The following RXRA variants were observed in gnomAD, a reference collection of about 807,000 sequenced individuals.
RXRA encodes retinoic acid receptor RXR-alpha.
RXRA carries 5 observed loss-of-function variants against 44.5 expected under a neutral mutation model. The ratio of observed to expected loss-of-function variants is 0.11; its 90% CI spans 0.06 to 0.24. RXRA has a LOEUF of 0.24. RXRA is among the 10% of genes least tolerant of loss of function. The pLI, the probability that RXRA is intolerant of heterozygous loss-of-function variation, is 1.00. For missense variants in RXRA, 412 were observed against 646.5 expected (o/e 0.64, Z 3.93); for synonymous variants, 291 against 271.4 (o/e 1.07, Z -0.71).
chr9:134,422,168 T>TCCCCAC (rs1831348748), intron 6 of RXRA: 1 of 1,175,008 alleles, frequency 8.5e-7, no homozygotes, highest in African/African-American at 2.2e-5. Flanking sequence ...TGGGACACAC[T>TCCCCAC]TCCCCCTCCT....
chr9:134,373,156 G>A (rs1486435938), intron 1 of RXRA, among the ~76,000 whole-genome samples: 1 of 152,218 alleles, frequency 6.6e-6, no homozygotes, highest in Non-Finnish European at 1.5e-5. Context: ...ACAGAGCTGG[G>A]GGTGGTCAGG....
chr9:134,369,078 G>C lies in RXRA; in HGVS notation c.29-32554G>C, dbSNP rs1471746429. On this transcript the variant is annotated intron_variant, in intron 1 of 9. Coordinates refer to ENST00000481739, the MANE Select transcript of RXRA (RefSeq NM_002957.6). Reference sequence around the variant, plus strand: ...GGGGGTTATGTGTGGGGGGAGTTGTGTGTGTGGGGTGGTTATGTGTGTGTG... The same window carrying C: ...GGGGGTTATGTGTGGGGGGAGTTGTCTGTGTGGGGTGGTTATGTGTGTGTG... Among the ~76,000 whole-genome samples the C allele has an allele frequency of 1.8e-3, 190 of 106,192 alleles. 4 individuals carry two copies. The highest frequency in any genetic ancestry group is 7.3e-3 in the African/African-American group (174 of 23,808). 69.7% of individuals were successfully genotyped at this position (106,192 alleles called of 152,430 possible).
chr9:134,381,686 CAG>C (rs1407877372), intron 1 of RXRA, among the ~76,000 whole-genome samples: 1 of 152,124 alleles, frequency 6.6e-6, no homozygotes, highest in Non-Finnish European at 1.5e-5. Flanking sequence ...AAGTGAATGA[CAG>C]AGCCCCTCAG....
intron 6 of RXRA, chr9:134,425,706 C>G: frequency 1.0e-6 from 1 of 985,330 alleles, no homozygotes. Context: ...TAATCCTGCC[C>G]ACATCTCTGG....
rs35341799 is a variant in RXRA, at chr9:134,434,118, G to A, written c.1152G>A (p.Ser384=). The part of the protein sequence containing the change: ...VLFNPDSKGL[S]NPAEVEALRE... The stretch of plus-strand genomic sequence containing the variant: ...TCCTTTCAGACTCCAAGGGGCTCTC[G>A]AACCCGGCCGAGGTGGAGGCGCTGA... Residue 384 remains serine (S), a synonymous_variant, in exon 9 of 10, where the codon TCG becomes TCA. Transcript: ENST00000481739. The A allele has an allele frequency of 5.6e-6, 9 of 1,613,626 alleles. No individual in the cohort carries two copies. The highest frequency in any genetic ancestry group is 2.2e-5 in the East Asian group (1 of 44,866).
In RXRA at chr9:134,437,969, G is replaced by GC. The variant is rs1831654692; in HGVS notation, c.*1355_*1356insC. 6.6e-6 allele frequency: 1 copy of GC among 151,992 alleles called. No individual in the cohort carries two copies. Among genetic ancestry groups the GC allele is most frequent in the African/African-American group, 2.4e-5 (1 of 41,030 alleles). 9.4% of individuals were successfully genotyped at this position (151,992 alleles called of 1,614,324 possible). A position where few individuals can be genotyped will look rare whatever the true frequency, so the allele number is the denominator to read the frequency against. ...GGGCCTCCCTGGCTCAGCCCAGTGC[G>GC]GCCTGGCGCTCCTCCCGCAGGCTCT... On this transcript the variant is annotated 3_prime_UTR_variant, in exon 10 of 10. Transcript: ENST00000481739.
At chr9:134,357,685 C>T (rs1436769340) in intron 1 of RXRA, among the ~76,000 whole-genome samples, 1 of 152,200 alleles carries the variant, frequency 6.6e-6, no homozygotes, top group Non-Finnish European at 1.5e-5. Flanking sequence ...CCTGCTTAAC[C>T]AGTCAGATAT....
intron 1 of RXRA, among the ~76,000 whole-genome samples, chr9:134,362,927 C>T (rs1830370236): frequency 6.6e-6 from 1 of 152,272 alleles, no homozygotes; most frequent in Non-Finnish European, 1.5e-5. Context: ...GATGTGCCCG[C>T]TGTCAGCAGC....
At chr9:134,411,529 G>A (rs973026279) in intron 4 of RXRA, among the ~76,000 whole-genome samples, 7 of 152,220 alleles carry the variant, frequency 4.6e-5, no homozygotes, top group Non-Finnish European at 8.8e-5. Flanking sequence ...CCAGCACCAG[G>A]CGTGGCCCCC....
chr9:134,372,440 C>T (rs1213709984), intron 1 of RXRA, among the ~76,000 whole-genome samples: 1 of 152,132 alleles, frequency 6.6e-6, no homozygotes, highest in Non-Finnish European at 1.5e-5. Flanking sequence ...CTGGAGGAGG[C>T]CTGGCCCTGG....
chr9:134,381,489 G>A (rs574953437), intron 1 of RXRA, among the ~76,000 whole-genome samples: 7 of 152,226 alleles, frequency 4.6e-5, no homozygotes, highest in African/African-American at 1.4e-4. Flanking sequence ...AGACGCAGAG[G>A]GAATGATTGT....
intron 1 of RXRA, among the ~76,000 whole-genome samples, chr9:134,345,965 A>G (rs1363692324): frequency 6.6e-6 from 1 of 152,094 alleles, no homozygotes; most frequent in Admixed American, 6.5e-5. Flanking sequence ...GTCCTCTCCT[A>G]TACCTGTGTT....
intron 1 of RXRA, among the ~76,000 whole-genome samples, chr9:134,395,485 G>A (rs1320179653): frequency 6.6e-6 from 1 of 152,236 alleles, no homozygotes; most frequent in Admixed American, 6.5e-5. Flanking sequence ...CAGTCCTTAG[G>A]GCCACTTCCT....
intron 1 of RXRA, among the ~76,000 whole-genome samples, chr9:134,331,064 T>G (rs1336079571): frequency 6.6e-6 from 1 of 150,432 alleles, no homozygotes; most frequent in Non-Finnish European, 1.5e-5. Flanking sequence ...ATAGAGGACA[T>G]CGGGGACACT....
chr9:134,378,757 C>T (rs757385951), intron 1 of RXRA, among the ~76,000 whole-genome samples: 27 of 152,254 alleles, frequency 1.8e-4, no homozygotes, highest in Non-Finnish European at 3.5e-4. Context: ...TGGGGTTTGC[C>T]GAGGGAGGCT....
intron 1 of RXRA, among the ~76,000 whole-genome samples, chr9:134,330,638 G>A (rs1834989402): frequency 6.6e-6 from 1 of 152,174 alleles, no homozygotes; most frequent in South Asian, 2.1e-4. Flanking sequence ...CCCATTCAGG[G>A]CCTTTGTTAC....
At chr9:134,331,656 C>T (rs1228480930) in intron 1 of RXRA, among the ~76,000 whole-genome samples, 1 of 152,248 alleles carries the variant, frequency 6.6e-6, no homozygotes, top group Non-Finnish European at 1.5e-5. Context: ...TGCTGCGTGC[C>T]AGGGACTTTA....
At chr9:134,338,475 A>G (rs1830040475) in intron 1 of RXRA, among the ~76,000 whole-genome samples, 1 of 152,200 alleles carries the variant, frequency 6.6e-6, no homozygotes, top group Non-Finnish European at 1.5e-5. Context: ...CCCCCAGGCC[A>G]TGGGGTCACA....
intron 1 of RXRA, among the ~76,000 whole-genome samples, chr9:134,330,592 C>A (rs1389161825): frequency 3.9e-5 from 6 of 152,228 alleles, no homozygotes; most frequent in Admixed American, 6.5e-5. Flanking sequence ...GGGTGCAGCT[C>A]TGTCTTTCAT....
Sources: allele counts gnomAD v4.1 joint callset (sites outside exome capture counted in the v4.1 genomes callset), GRCh38; gene constraint gnomAD v4.1.1; transcripts MANE v1.5; gene names NCBI Gene and HGNC (gene_info 2026-07-23, HGNC 2026-07-21).